Variants in KIAA1671 observed in about 807,000 individuals in gnomAD.
KIAA1671 encodes the protein uncharacterized protein KIAA1671.
KIAA1671 carries 52 observed loss-of-function variants against 131.2 expected under a neutral mutation model. That is an observed-to-expected ratio of 0.40 (90% confidence interval 0.32 to 0.50). KIAA1671 has a LOEUF of 0.50. KIAA1671 is among the 20% of genes least tolerant of loss of function. KIAA1671 has a pLI of 0.73. For synonymous variants in KIAA1671, 1,003 were observed against 961.6 expected, an observed-to-expected ratio of 1.04 and a Z score of -0.80; for missense variants, 2,360 against 2,364.2, an observed-to-expected ratio of 1.00 and a Z score of 0.04.
rs549097102 is a variant in KIAA1671, at chr22:25,081,394, C to T, written c.4530+32030C>T. 3.3e-5 allele frequency among the ~76,000 whole-genome samples: 5 copies of T among 152,250 alleles called. No individual in the cohort carries two copies. In the East Asian group the frequency reaches 5.8e-4, roughly 18 times the overall value. ...GTCTCTGATCTTGTGTCTCACCTGACGATGAGAAACTCCCTGTCTCAAATG... is the reference window on the plus strand; with the variant it reads ...GTCTCTGATCTTGTGTCTCACCTGATGATGAGAAACTCCCTGTCTCAAATG... On this transcript the variant is annotated intron_variant, in intron 6 of 12. Transcript: ENST00000358431.
chr22:25,041,894 G>A (rs1926944215), intron 5 of KIAA1671, among the ~76,000 whole-genome samples: 2 of 152,144 alleles, frequency 1.3e-5, no homozygotes, highest in East Asian at 1.9e-4. Context: ...ACAGGCATGC[G>A]CCACCATGCT....
intron 2 of KIAA1671, among the ~76,000 whole-genome samples, chr22:25,027,733 C>G (rs1005592826): frequency 1.3e-5 from 2 of 152,146 alleles, no homozygotes; most frequent in Non-Finnish European, 2.9e-5. Context: ...GGAGCTGGAA[C>G]GAACTTCAGG....
intron 6 of KIAA1671, chr22:25,057,217 G>A (rs1320515683): frequency 6.6e-6 from 1 of 152,256 alleles, no homozygotes; most frequent in Non-Finnish European, 1.5e-5. Context: ...TGCAACTTGG[G>A]AGGAGAAAGG....
chr22:25,190,819 G>T, intron 12 of KIAA1671, 35 bp downstream of exon 12: 1 of 1,438,492 alleles, frequency 7.0e-7, no homozygotes, highest in South Asian at 1.2e-5. Context: ...CCTGGGAAGA[G>T]CCCTGCAGTC....
chr22:25,189,769 T>TTTTG (rs55679264), intron 11 of KIAA1671, among the ~76,000 whole-genome samples: 45,792 of 151,620 alleles, frequency 0.3, 7,519 homozygotes, highest in East Asian at 0.48. Flanking sequence ...AGGACGAATT[T>TTTTG]TTTGTTTGTT....
At chr22:25,029,675 G>T (rs1926169985) in intron 3 of KIAA1671, 135 bp downstream of exon 3, 1 of 682,606 alleles carries the variant, frequency 1.5e-6, no homozygotes. Flanking sequence ...TAGTGGCAGT[G>T]TCCATTTCTC....
intron 6 of KIAA1671, among the ~76,000 whole-genome samples, chr22:25,139,139 G>A (rs1176765635): frequency 6.6e-6 from 1 of 152,194 alleles, no homozygotes; most frequent in Non-Finnish European, 1.5e-5. Flanking sequence ...TTTCTCAGTT[G>A]GGAATTCTGG....
At chr22:25,044,318 G>T (rs1309618119) in intron 5 of KIAA1671, among the ~76,000 whole-genome samples, 1 of 152,216 alleles carries the variant, frequency 6.6e-6, no homozygotes, top group Non-Finnish European at 1.5e-5. Context: ...CCTGAGAAGG[G>T]TTTCATCTGT....
intron 1 of KIAA1671, among the ~76,000 whole-genome samples, chr22:24,995,245 G>A (rs1236595532): frequency 6.6e-6 from 1 of 151,746 alleles, no homozygotes; most frequent in African/African-American, 2.4e-5. Flanking sequence ...GTAGAGACAG[G>A]GTTTCGCCAT....
chr22:25,082,272 G>A (rs1259927880), intron 6 of KIAA1671, among the ~76,000 whole-genome samples: 1 of 152,132 alleles, frequency 6.6e-6, no homozygotes, highest in African/African-American at 2.4e-5. Flanking sequence ...TTGGCTTGCC[G>A]TGCACGTGTA....
At chr22:25,021,771 C>T (rs1397518949) in intron 1 of KIAA1671, among the ~76,000 whole-genome samples, 1 of 151,966 alleles carries the variant, frequency 6.6e-6, no homozygotes, top group Admixed American at 6.6e-5. Flanking sequence ...TGCACTTTGC[C>T]AATCCGTTCC....
At chr22:25,069,433 C>T (rs560768489) in intron 6 of KIAA1671, among the ~76,000 whole-genome samples, 4 of 152,296 alleles carry the variant, frequency 2.6e-5, no homozygotes, top group African/African-American at 9.6e-5. Context: ...TCTCCTCACT[C>T]CCCACCTGGT....
chr22:25,076,246 G>A (rs1487541592), intron 6 of KIAA1671, among the ~76,000 whole-genome samples: 3 of 152,026 alleles, frequency 2.0e-5, no homozygotes, highest in Non-Finnish European at 4.4e-5. Context: ...CCAGAAGAGG[G>A]ATTGGTGAAT....
intron 6 of KIAA1671, among the ~76,000 whole-genome samples, chr22:25,160,294 A>T (rs1933393709): frequency 6.6e-6 from 1 of 152,314 alleles, no homozygotes; most frequent in African/African-American, 2.4e-5. Context: ...ACACAGGTGC[A>T]CACGGGTGTG....
At chr22:25,115,015 C>T (rs1175115948) in intron 6 of KIAA1671, among the ~76,000 whole-genome samples, 1 of 152,220 alleles carries the variant, frequency 6.6e-6, no homozygotes, top group African/African-American at 2.4e-5. Flanking sequence ...AAATAACCCT[C>T]AAAGGCGTGC....
intron 7 of KIAA1671, among the ~76,000 whole-genome samples, chr22:25,171,252 T>C (rs529605269): frequency 5.9e-5 from 9 of 151,278 alleles, no homozygotes; most frequent in African/African-American, 1.9e-4. Flanking sequence ...TACAAAAAAT[T>C]AGCTGGGTGT....
intron 3 of KIAA1671, among the ~76,000 whole-genome samples, chr22:25,030,337 C>G (rs1926214960): frequency 6.6e-6 from 1 of 152,118 alleles, no homozygotes; most frequent in Non-Finnish European, 1.5e-5. Context: ...GAGTTTGAGA[C>G]CAGCCTGGCC....
intron 2 of KIAA1671, 39 bp downstream of exon 2, chr22:25,025,823 G>T (rs1245970544): frequency 7.2e-5 from 11 of 152,238 alleles, no homozygotes; most frequent in Non-Finnish European, 1.3e-4. Flanking sequence ...TTGAGGGCTG[G>T]AGTGTCCAAG....
chr22:24,974,394 A>G (rs982435944), intron 1 of KIAA1671, among the ~76,000 whole-genome samples: 1 of 152,140 alleles, frequency 6.6e-6, no homozygotes, highest in Non-Finnish European at 1.5e-5. Flanking sequence ...TGACACCATG[A>G]GGCAGGAACT....
Sources: allele counts gnomAD v4.1 joint callset (sites outside exome capture counted in the v4.1 genomes callset), GRCh38; gene constraint gnomAD v4.1.1; transcripts MANE v1.5; gene names NCBI Gene and HGNC (gene_info 2026-07-23, HGNC 2026-07-21).